The following FBXL20 variants were observed in gnomAD, a reference collection of about 807,000 sequenced individuals.
FBXL20 encodes F-box and leucine rich repeat protein 20.
A neutral mutation model predicts 64.0 loss-of-function variants in FBXL20; 11 were observed. The ratio of observed to expected loss-of-function variants is 0.17; its 90% confidence interval spans 0.11 to 0.28. The LOEUF (loss-of-function observed/expected upper bound fraction) is 0.28. Among genes scored for constraint, FBXL20 ranks in the 10% least tolerant of loss-of-function variants. The probability of loss-of-function intolerance (pLI) is 1.00; values close to 1 mark genes in which losing one functional copy is unlikely to be tolerated. For missense variants in FBXL20, 303 were observed against 526.2 expected (o/e 0.58, Z 4.15); for synonymous variants, 184 against 189.0 (o/e 0.97, Z 0.22).
chr17:39,394,053 T>TG (rs778260253), intron 1 of FBXL20, among the ~76,000 whole-genome samples: 4 of 152,136 alleles, frequency 2.6e-5, no homozygotes, highest in Non-Finnish European at 5.9e-5. Flanking sequence ...AATATTTGGG[T>TG]GGGAGGGGTC....
intron 6 of FBXL20, among the ~76,000 whole-genome samples, chr17:39,286,741 C>T (rs1471480115): frequency 1.3e-5 from 2 of 150,434 alleles, no homozygotes; most frequent in Non-Finnish European, 3.0e-5. Context: ...GAGGTTGCAG[C>T]GAGCCAAGAT....
chr17:39,364,351 G>A (rs976544620), intron 1 of FBXL20, among the ~76,000 whole-genome samples: 2 of 152,140 alleles, frequency 1.3e-5, no homozygotes, highest in East Asian at 1.9e-4. Flanking sequence ...AGTGGCTCAC[G>A]CCTGTAATCC....
intron 1 of FBXL20, among the ~76,000 whole-genome samples, chr17:39,347,730 A>G (rs1236823749): frequency 6.6e-6 from 1 of 152,098 alleles, no homozygotes; most frequent in Non-Finnish European, 1.5e-5. Flanking sequence ...TTTTGTTGCC[A>G]TTGCTTTTGG....
At chr17:39,268,805 G>A (rs2046814536) in intron 12 of FBXL20, 22 bp downstream of exon 12, 1 of 1,603,548 alleles carries the variant, frequency 6.2e-7, no homozygotes. Flanking sequence ...CTGTATTTCT[G>A]AATTAAAATC....
chr17:39,401,581 G>C lies in FBXL20; in HGVS notation c.-179C>G. 1.4e-6 allele frequency: 2 copies of C among 1,403,262 alleles called. No individual in the cohort carries two copies. The highest frequency in any genetic ancestry group is 3.1e-5 in the South Asian group (2 of 64,108). The allele number at this position is 1,403,262 out of a possible 1,614,324, so 86.9% of individuals were successfully genotyped here. On this transcript the variant is annotated 5_prime_UTR_variant, in exon 1 of 15. Coordinates refer to ENST00000264658, the MANE Select transcript of FBXL20 (RefSeq NM_032875.3). The stretch of plus-strand genomic sequence containing the variant: ...GGCTAGGCCTCCACCACCTCCCGCG[G>C]CGCCGGCGGCCGCAACGACTGCTCG...
At chr17:39,354,935 G>C (rs144887084) in intron 1 of FBXL20, among the ~76,000 whole-genome samples, 1 of 152,018 alleles carries the variant, frequency 6.6e-6, no homozygotes, top group Non-Finnish European at 1.5e-5. Context: ...TTTTTTGTTT[G>C]TTTGTTTGTT....
At chr17:39,281,270 A>G in intron 9 of FBXL20, 119 bp downstream of exon 9, 3 of 835,254 alleles carry the variant, frequency 3.6e-6, no homozygotes, top group Non-Finnish European at 5.8e-6. Context: ...TTACTTTGTC[A>G]CTAGGGTTGT....
intron 7 of FBXL20, among the ~76,000 whole-genome samples, chr17:39,285,104 C>T (rs564828524): frequency 2.0e-5 from 3 of 152,228 alleles, no homozygotes; most frequent in African/African-American, 7.2e-5. Flanking sequence ...CAGGGTTTCA[C>T]CATGTTGGCC....
intron 1 of FBXL20, among the ~76,000 whole-genome samples, chr17:39,383,723 G>A (rs1023947553): frequency 3.9e-4 from 59 of 151,434 alleles, no homozygotes; most frequent in African/African-American, 1.3e-3. Context: ...CCAAGTAGCT[G>A]GGATTACAGG....
intron 1 of FBXL20, among the ~76,000 whole-genome samples, chr17:39,349,590 A>G (rs1259596188): frequency 6.7e-6 from 1 of 149,220 alleles, no homozygotes; most frequent in Admixed American, 6.7e-5. Flanking sequence ...CCACCTCTGG[A>G]AAAAAAAAAT....
rs935224557 is a variant in FBXL20 at position 39,260,101 on chromosome 17, T to C, written c.*1359A>G. 3 of 149,582 alleles carry C rather than the reference T, an allele frequency of 2.0e-5. No individual in the cohort carries two copies. Among genetic ancestry groups the C allele is most frequent in the African/African-American group, 7.4e-5 (3 of 40,522 alleles). The allele number at this position is 149,582 out of a possible 1,614,324, so 9.3% of individuals were successfully genotyped here. ...AGATATGAATCCATTAACACTGACA[T>C]ACAATTGACCAGCTGTTATAGAGCC... On this transcript the variant is annotated 3_prime_UTR_variant, in exon 15 of 15. Coordinates refer to ENST00000264658, the MANE Select transcript of FBXL20 (RefSeq NM_032875.3).
At chr17:39,327,047 C>T (rs1234176773) in intron 2 of FBXL20, among the ~76,000 whole-genome samples, 2 of 152,040 alleles carry the variant, frequency 1.3e-5, no homozygotes, top group Non-Finnish European at 2.9e-5. Context: ...CACTCGTCTC[C>T]ACTAATTTTT....
At chr17:39,329,934 CAGCAAACTATGAT>C (rs1456874808) in intron 2 of FBXL20, among the ~76,000 whole-genome samples, 1 of 152,094 alleles carries the variant, frequency 6.6e-6, no homozygotes, top group African/African-American at 2.4e-5. Context: ...TTTGAGGCTG[CAGCAAACTATGAT>C]TGTGTCACCT....
intron 6 of FBXL20, among the ~76,000 whole-genome samples, chr17:39,295,544 C>T (rs1008592672): frequency 2.0e-5 from 3 of 152,100 alleles, no homozygotes; most frequent in Admixed American, 1.3e-4. Flanking sequence ...CCTGAGTCAC[C>T]GCACTGGGCT....
intron 2 of FBXL20, among the ~76,000 whole-genome samples, chr17:39,320,160 A>T (rs1227679898): frequency 6.6e-6 from 1 of 152,172 alleles, no homozygotes; most frequent in Non-Finnish European, 1.5e-5. Flanking sequence ...TAGATATGCA[A>T]ATAATTTTTT....
chr17:39,333,762 G>A (rs1242586370), intron 2 of FBXL20, among the ~76,000 whole-genome samples: 10 of 150,578 alleles, frequency 6.6e-5, no homozygotes, highest in Admixed American at 2.0e-4. Context: ...CCGCCGCCCC[G>A]TCTGAGATGT....
chr17:39,259,604 CAG>C lies in FBXL20; in HGVS notation c.*1854_*1855del, dbSNP rs2046726805. On this transcript the variant is annotated 3_prime_UTR_variant, in exon 15 of 15. Transcript: ENST00000264658. ...CCTCAGTTCTAGTGCCCAGGCTAAGCAGAGACACTAAACCCCTTACTTCCTCT... is the reference window on the plus strand; with the variant it reads ...CCTCAGTTCTAGTGCCCAGGCTAAGCAGACACTAAACCCCTTACTTCCTCT... 1 of 152,104 alleles carries C rather than the reference CAG, an allele frequency of 6.6e-6. No individual in the cohort carries two copies. The highest frequency in any genetic ancestry group is 1.5e-5 in the Non-Finnish European group (1 of 68,032). The allele number at this position is 152,104 out of a possible 1,614,324, so 9.4% of individuals were successfully genotyped here.
At chr17:39,309,974 G>A (rs1043475161) in intron 2 of FBXL20, among the ~76,000 whole-genome samples, 23 of 151,596 alleles carry the variant, frequency 1.5e-4, no homozygotes, top group Admixed American at 9.2e-4. Flanking sequence ...GGGCAACAGG[G>A]CAAAACCATG....
intron 6 of FBXL20, among the ~76,000 whole-genome samples, chr17:39,288,106 G>C (rs952307918): frequency 6.6e-6 from 1 of 151,538 alleles, no homozygotes; most frequent in African/African-American, 2.4e-5. Context: ...TGGGACTACA[G>C]GCGCACACCA....
Sources: gnomAD v4.1 joint callset for allele counts (sites outside exome capture counted in the v4.1 genomes callset) on GRCh38, gnomAD v4.1.1 for gene constraint, MANE v1.5 for transcripts, NCBI Gene and HGNC (gene_info 2026-07-23, HGNC 2026-07-21) for gene names.